Variants in CSMD3 observed in about 807,000 individuals in gnomAD.
The protein encoded by CSMD3 is CUB and Sushi multiple domains 3, also known as CUB and sushi domain-containing protein 3.
A neutral mutation model predicts 435.2 loss-of-function variants in CSMD3; 177 were observed. The observed-to-expected ratio is 0.41, with a 90% CI of 0.36 to 0.46. The LOEUF (loss-of-function observed/expected upper bound fraction) is 0.46. CSMD3 is among the 20% of genes least tolerant of loss of function. The pLI, the probability that CSMD3 is intolerant of heterozygous loss-of-function variation, is 0.34. For synonymous variants in CSMD3, 1,656 were observed against 1,520.5 expected (o/e 1.09, Z -2.07); for missense variants, 4,265 against 4,504.6 (o/e 0.95, Z 1.52).
At chr8:113,352,626 A>G (rs2094197485) in intron 1 of CSMD3, among the ~76,000 whole-genome samples, 1 of 152,162 alleles carries the variant, frequency 6.6e-6, no homozygotes, top group Non-Finnish European at 1.5e-5. Context: ...GTAATTAACA[A>G]TGGCTCTCTT....
At chr8:112,578,616 A>G (rs981472370) in intron 23 of CSMD3, among the ~76,000 whole-genome samples, 1 of 152,036 alleles carries the variant, frequency 6.6e-6, no homozygotes, top group Non-Finnish European at 1.5e-5. Flanking sequence ...AACAACAAAC[A>G]AAAAACTGCT....
chr8:112,701,049 TTA>T (rs2076377906), intron 13 of CSMD3, among the ~76,000 whole-genome samples: 1 of 152,138 alleles, frequency 6.6e-6, no homozygotes, highest in African/African-American at 2.4e-5. Context: ...ATTTCTCTGT[TTA>T]TATAACTTTT....
chr8:112,506,385 T>C (rs1822520860), intron 29 of CSMD3, among the ~76,000 whole-genome samples: 2 of 152,140 alleles, frequency 1.3e-5, no homozygotes, highest in South Asian at 4.1e-4. Context: ...GGGACTTTTC[T>C]ACTTGGAAAA....
At chr8:113,280,418 C>T (rs932853590) in intron 2 of CSMD3, among the ~76,000 whole-genome samples, 1 of 151,858 alleles carries the variant, frequency 6.6e-6, no homozygotes, top group Non-Finnish European at 1.5e-5. Context: ...AGGAATTTAT[C>T]CGTCTCTTCT....
At chr8:112,962,639 C>T (rs1344038114) in intron 7 of CSMD3, among the ~76,000 whole-genome samples, 1 of 151,832 alleles carries the variant, frequency 6.6e-6, no homozygotes, top group Admixed American at 6.6e-5. Context: ...CTAAAATTCA[C>T]TAGAAATATT....
chr8:112,883,341 T>C (rs928299614), intron 10 of CSMD3, among the ~76,000 whole-genome samples: 3 of 152,014 alleles, frequency 2.0e-5, no homozygotes, highest in Non-Finnish European at 4.4e-5. Flanking sequence ...TTCTTTTTGA[T>C]GTGAAATTAA....
intron 5 of CSMD3, among the ~76,000 whole-genome samples, chr8:113,032,219 A>ACC (rs2087141464): frequency 6.6e-6 from 1 of 151,622 alleles, no homozygotes; most frequent in Non-Finnish European, 1.5e-5. Flanking sequence ...GAAGTGGGTA[A>ACC]AAGGCAGAGG....
At chr8:112,470,585 C>T (rs1037095113) in intron 32 of CSMD3, among the ~76,000 whole-genome samples, 2 of 151,870 alleles carry the variant, frequency 1.3e-5, no homozygotes, top group African/African-American at 4.8e-5. Context: ...CATTCGTTAA[C>T]CCAATGATAT....
At chr8:113,173,632 T>G in intron 4 of CSMD3, 90 bp downstream of exon 4, 1 of 1,087,522 alleles carries the variant, frequency 9.2e-7, no homozygotes, top group African/African-American at 1.6e-5. Flanking sequence ...TCTCTATCCT[T>G]TAGATTCCGT....
intron 10 of CSMD3, among the ~76,000 whole-genome samples, chr8:112,902,732 C>T (rs2082140245): frequency 6.6e-6 from 1 of 151,270 alleles, no homozygotes; most frequent in Non-Finnish European, 1.5e-5. Context: ...GCAGTTTAGT[C>T]TGCCACGTGA....
chr8:113,397,472 T>C (rs1413389009), intron 1 of CSMD3, among the ~76,000 whole-genome samples: 1 of 152,126 alleles, frequency 6.6e-6, no homozygotes, highest in Non-Finnish European at 1.5e-5. Flanking sequence ...TAAAATTTAA[T>C]ATATGTTATA....
chr8:112,248,114 C>T (rs1233658867), intron 63 of CSMD3, among the ~76,000 whole-genome samples: 1 of 152,016 alleles, frequency 6.6e-6, no homozygotes, highest in Non-Finnish European at 1.5e-5. Flanking sequence ...TTGAATAAGT[C>T]ATATCTCCTA....
chr8:112,943,269 C>T (rs1450792410), intron 9 of CSMD3, among the ~76,000 whole-genome samples: 2 of 151,608 alleles, frequency 1.3e-5, no homozygotes, highest in Non-Finnish European at 3.0e-5. Flanking sequence ...TTTTTCCAAT[C>T]TGTGGAATGT....
chr8:112,551,370 A>G (rs1275086629), intron 26 of CSMD3, among the ~76,000 whole-genome samples: 2 of 152,132 alleles, frequency 1.3e-5, no homozygotes, highest in African/African-American at 4.8e-5. Context: ...TCTACAGTAC[A>G]TGCTTTTGCC....
intron 30 of CSMD3, among the ~76,000 whole-genome samples, chr8:112,501,101 G>A (rs1487032096): frequency 2.0e-5 from 3 of 151,102 alleles, no homozygotes; most frequent in Non-Finnish European, 4.4e-5. Context: ...GTCCTCCTTT[G>A]TCTTTTTTTT....
intron 1 of CSMD3, among the ~76,000 whole-genome samples, chr8:113,414,926 A>T (rs752163652): frequency 6.6e-6 from 1 of 152,168 alleles, no homozygotes; most frequent in African/African-American, 2.4e-5. Flanking sequence ...AGATTGTGCC[A>T]CTGCGCTCCA....
chr8:113,333,558 A>G (rs146695566), intron 1 of CSMD3, among the ~76,000 whole-genome samples: 1 of 151,924 alleles, frequency 6.6e-6, no homozygotes, highest in African/African-American at 2.4e-5. Flanking sequence ...AAATGCTTTT[A>G]TACCTTTCTC....
chr8:113,123,496 G>A (rs1273002538), intron 4 of CSMD3, among the ~76,000 whole-genome samples: 4 of 152,002 alleles, frequency 2.6e-5, no homozygotes, highest in African/African-American at 9.7e-5. Flanking sequence ...TCTTTCTTAA[G>A]TTATTTATGT....
At chr8:112,975,082 C>T (rs926955717) in intron 7 of CSMD3, among the ~76,000 whole-genome samples, 2 of 151,210 alleles carry the variant, frequency 1.3e-5, no homozygotes, top group African/African-American at 4.9e-5. Context: ...CACTTGCCAC[C>T]AAGAAACAGA....
Sources: gnomAD v4.1 joint callset for allele counts (sites outside exome capture counted in the v4.1 genomes callset) on GRCh38, gnomAD v4.1.1 for gene constraint, MANE v1.5 for transcripts, NCBI Gene and HGNC (gene_info 2026-07-23, HGNC 2026-07-21) for gene names.